CFAP43: variants seen among roughly 807,000 people sequenced by gnomAD.
The protein encoded by CFAP43 is cilia- and flagella-associated protein 43.
Under a neutral mutation model 218.9 loss-of-function variants are expected in CFAP43, and 155 were observed. The observed-to-expected ratio is 0.71, with a 90% CI of 0.62 to 0.81. CFAP43 has a LOEUF of 0.81. Among genes scored for constraint, CFAP43 ranks in the 30% least tolerant of loss-of-function variants. CFAP43 has a pLI of 0.00. For missense variants in CFAP43, 1,778 were observed against 1,954.3 expected (o/e 0.91, Z 1.70); for synonymous variants, 645 against 681.3 (o/e 0.95, Z 0.83).
chr10:104,174,793 C>T (rs983956826), intron 19 of CFAP43, among the ~76,000 whole-genome samples: 5 of 151,736 alleles, frequency 3.3e-5, no homozygotes, highest in East Asian at 1.9e-4. Flanking sequence ...TGGTGGCCCA[C>T]GCCTGTAATC....
rs1468422406 is a variant in CFAP43, at chr10:104,133,746, A to G, written c.4470T>C (p.Ser1490=). The G allele has an allele frequency of 1.2e-6, 2 of 1,611,908 alleles. No individual in the cohort carries two copies. The highest frequency in any genetic ancestry group is 1.7e-6 in the Non-Finnish European group (2 of 1,179,398). The change falls in exon 35 of 38, where the codon AGT becomes AGC. Residue 1490 remains serine (S), a synonymous_variant. Transcript: ENST00000357060. ...GAAGTATTCTTTTGTGTACATCTTT[A>G]CTTTCCATCATGCTAGCAACTTTCT... is the stretch of plus-strand genomic sequence containing the variant. ...GQKKVASMME[S]KDVHKRILQI...
chr10:104,182,548 A>C, intron 16 of CFAP43, 35 bp from the exon 17 acceptor site: 1 of 1,527,576 alleles, frequency 6.5e-7, no homozygotes, highest in Non-Finnish European at 8.7e-7. Flanking sequence ...AGAGGCTATA[A>C]AAATCATAAT....
chr10:104,149,963 A>T (rs1211659856), intron 28 of CFAP43, among the ~76,000 whole-genome samples: 2 of 152,096 alleles, frequency 1.3e-5, no homozygotes, highest in African/African-American at 4.8e-5. Context: ...TCCCCACAAA[A>T]GCAACGACTT....
chr10:104,186,596 G>T (rs2090038964), intron 14 of CFAP43, among the ~76,000 whole-genome samples: 1 of 152,008 alleles, frequency 6.6e-6, no homozygotes, highest in Admixed American at 6.6e-5. Flanking sequence ...CACCAAAATT[G>T]TATGCAATAT....
At chr10:104,164,398 AAT>A in intron 23 of CFAP43, 98 bp from the exon 24 acceptor site, 2 of 1,053,354 alleles carry the variant, frequency 1.9e-6, no homozygotes, top group South Asian at 1.7e-5. Context: ...TCATTCCACA[AAT>A]TTTTTTTTTT....
chr10:104,178,059 TG>T (rs2089692615), intron 19 of CFAP43, among the ~76,000 whole-genome samples: 1 of 152,158 alleles, frequency 6.6e-6, no homozygotes, highest in East Asian at 1.9e-4. Flanking sequence ...TTCCCAAGCA[TG>T]GCACAACACA....
chr10:104,200,707 A>T (rs1006932364), intron 8 of CFAP43, among the ~76,000 whole-genome samples: 1 of 151,060 alleles, frequency 6.6e-6, no homozygotes, highest in African/African-American at 2.4e-5. Flanking sequence ...GACCCAAAGG[A>T]AATGAGGAAA....
Position 104,133,679 on chromosome 10 carries a change from C to A in CFAP43, c.4537G>T (p.Asp1513Tyr). The A allele has an allele frequency of 1.2e-6, 2 of 1,613,000 alleles. No homozygotes were observed. Among genetic ancestry groups the A allele is most frequent in the South Asian group, 1.1e-5 (1 of 91,018 alleles). ...EHKKMEMERE[D>Y]LNQKAWDIQM... ...ATATCCCAAGCCTTCTGATTTAGAT[C>A]TTCCCTTTCCATCTCCATTTTCTTA... The change falls in exon 35 of 38, where the codon GAT becomes TAT. Residue 1513 changes from aspartate (D) to tyrosine (Y), a missense_variant. Physicochemically the swap from Asp to Tyr is radical, Grantham distance 160. Around this residue, in one of 3 missense-constraint regions of CFAP43, gnomAD observed 211 missense variants for 230.6 expected, o/e 0.91. Coordinates refer to ENST00000357060, the MANE Select transcript of CFAP43 (RefSeq NM_025145.7).
chr10:104,172,999 A>G (rs1453332743), intron 19 of CFAP43, among the ~76,000 whole-genome samples: 1 of 152,222 alleles, frequency 6.6e-6, no homozygotes, highest in East Asian at 1.9e-4. Context: ...CCAATTTTGT[A>G]TAAATTTGAA....
chr10:104,190,135 CAAAAAAAAAAAAAAA>C (rs59257656), intron 12 of CFAP43, among the ~76,000 whole-genome samples: 69 of 50,780 alleles, frequency 1.4e-3, no homozygotes, highest in African/African-American at 4.8e-3. Flanking sequence ...GACTCCATCT[CAAAAAAAAAAAAAAA>C]AAAAAAAAAG....
At chr10:104,231,024 T>C (rs902595026) in intron 1 of CFAP43, among the ~76,000 whole-genome samples, 181 bp from the exon 2 acceptor site, 5 of 152,298 alleles carry the variant, frequency 3.3e-5, no homozygotes, top group East Asian at 3.9e-4. Context: ...CAATGAATTA[T>C]AGAAATTTAA....
chr10:104,217,232 G>C (rs2091036131), intron 3 of CFAP43, among the ~76,000 whole-genome samples: 1 of 152,168 alleles, frequency 6.6e-6, no homozygotes, highest in African/African-American at 2.4e-5. Context: ...AGCCACCCTT[G>C]AAGCTGGCTG....
chr10:104,136,234 G>T, intron 34 of CFAP43, among the ~76,000 whole-genome samples: 1 of 108,452 alleles, frequency 9.2e-6, no homozygotes, highest in Non-Finnish European at 1.7e-5. Flanking sequence ...CTGGGAGACA[G>T]AGCGAGAATC....
chr10:104,132,246 G>T, intron 35 of CFAP43, 50 bp from the exon 36 acceptor site: 1 of 1,288,314 alleles, frequency 7.8e-7, no homozygotes. Context: ...TCTTTCAATA[G>T]ATGACTTTAT....
intron 2 of CFAP43, among the ~76,000 whole-genome samples, chr10:104,230,325 C>T (rs370970064): frequency 3.0e-4 from 45 of 151,894 alleles, no homozygotes; most frequent in African/African-American, 9.7e-4. Context: ...ATTAGCTGGG[C>T]GTGGTGGTGC....
intron 34 of CFAP43, 41 bp from the exon 35 acceptor site, chr10:104,133,825 G>T (rs1026540800): frequency 1.3e-6 from 2 of 1,488,188 alleles, no homozygotes; most frequent in Non-Finnish European, 1.8e-6. Flanking sequence ...ATATGATTCT[G>T]CATATAGAAC....
chr10:104,232,323 C>G lies in CFAP43; in HGVS notation c.-77G>C. On this transcript the variant is annotated 5_prime_UTR_variant, in exon 1 of 38. Transcript: ENST00000357060. ...CGGGTCGGTTACCTTTCCGCCGCCGCGGGGCTGCGGGCCGCGACGCCGCTG... is the reference window on the plus strand; with the variant it reads ...CGGGTCGGTTACCTTTCCGCCGCCGGGGGGCTGCGGGCCGCGACGCCGCTG... 2.1e-6 allele frequency: 3 copies of G among 1,396,932 alleles called. No individual in the cohort carries two copies. Among genetic ancestry groups the G allele is most frequent in the Admixed American group, 2.7e-5 (1 of 37,076 alleles). The allele number at this position is 1,396,932 out of a possible 1,614,324, so 86.5% of individuals were successfully genotyped here. A position where few individuals can be genotyped will look rare whatever the true frequency, so the allele number is the denominator to read the frequency against.
chr10:104,132,733 A>G (rs2087256284), intron 35 of CFAP43: 1 of 984,932 alleles, frequency 1.0e-6, no homozygotes, highest in Non-Finnish European at 1.2e-6. Flanking sequence ...ACAAATGCCT[A>G]CTTTATTTTC....
intron 3 of CFAP43, among the ~76,000 whole-genome samples, chr10:104,222,795 T>C (rs1375719852): frequency 6.6e-6 from 1 of 152,216 alleles, no homozygotes; most frequent in Non-Finnish European, 1.5e-5. Context: ...AGATACATTT[T>C]ATATCCAGCA....
Sources: allele counts gnomAD v4.1 joint callset (sites outside exome capture counted in the v4.1 genomes callset), GRCh38; gene constraint gnomAD v4.1.1; regional missense constraint gnomAD v4.1.1; transcripts MANE v1.5; gene names NCBI Gene and HGNC (gene_info 2026-07-23, HGNC 2026-07-21).